RGS6: variants seen among roughly 807,000 people sequenced by gnomAD.
The protein encoded by RGS6 is regulator of G-protein signaling 6.
In RGS6, 30 loss-of-function variants were observed where a neutral mutation model predicts 78.5. That is an observed-to-expected ratio of 0.38 (90% CI 0.29 to 0.52). The LOEUF (loss-of-function observed/expected upper bound fraction) is 0.52. Ranked by LOEUF, RGS6 falls within the 20% of genes least tolerant of loss-of-function variation. The pLI is 0.85. For synonymous variants in RGS6, 206 were observed against 206.0 expected (o/e 1.00, Z 0.00); for missense variants, 495 against 609.7 (o/e 0.81, Z 1.98).
chr14:72,621,129 A>C, the RGS6 span, among the ~76,000 whole-genome samples: 5 of 142,098 alleles, frequency 3.5e-5, no homozygotes, highest in Non-Finnish European at 7.6e-5. Context: ...CAACTGAGTG[A>C]GACTCTGTCT....
chr14:72,457,579 G>A (rs1028921542), intron 4 of RGS6, among the ~76,000 whole-genome samples: 5 of 152,198 alleles, frequency 3.3e-5, no homozygotes, highest in South Asian at 2.1e-4. Flanking sequence ...CACCATGCCC[G>A]ACCTATATTC....
At chr14:71,905,643 C>T in the RGS6 span, among the ~76,000 whole-genome samples, 5 of 152,192 alleles carry the variant, frequency 3.3e-5, no homozygotes, top group East Asian at 3.9e-4. Context: ...GCACATGCCA[C>T]GCTGACCGGA....
At chr14:72,165,810 C>G (rs2096917266) in intron 2 of RGS6, among the ~76,000 whole-genome samples, 2 of 152,142 alleles carry the variant, frequency 1.3e-5, no homozygotes, top group South Asian at 4.2e-4. Flanking sequence ...CTCTGTAATC[C>G]AAAATGGTCC....
chr14:72,372,853 G>A (rs1273330565), intron 3 of RGS6, among the ~76,000 whole-genome samples: 2 of 152,338 alleles, frequency 1.3e-5, no homozygotes, highest in Admixed American at 1.3e-4. Context: ...GGAAAATATG[G>A]AAAAGTTCAT....
At chr14:71,883,557 A>G in the RGS6 span, among the ~76,000 whole-genome samples, 1 of 152,150 alleles carries the variant, frequency 6.6e-6, no homozygotes, top group Non-Finnish European at 1.5e-5. Flanking sequence ...TGTGTACTAT[A>G]AGGCTGAGAC....
chr14:72,435,300 A>C (rs2094850668), intron 3 of RGS6, among the ~76,000 whole-genome samples: 1 of 152,210 alleles, frequency 6.6e-6, no homozygotes, highest in South Asian at 2.1e-4. Flanking sequence ...CCTCTAGTTC[A>C]TGTAATAGCC....
intron 16 of RGS6, among the ~76,000 whole-genome samples, chr14:72,539,777 T>A (rs2097297055): frequency 1.3e-5 from 2 of 152,206 alleles, no homozygotes; most frequent in Non-Finnish European, 2.9e-5. Flanking sequence ...GCAAGCACCA[T>A]TCATGGCCCC....
intron 2 of RGS6, among the ~76,000 whole-genome samples, chr14:72,331,390 G>T (rs542134460): frequency 2.0e-5 from 3 of 152,208 alleles, no homozygotes; most frequent in South Asian, 2.1e-4. Flanking sequence ...TATTCTTGCA[G>T]GGTTAATGTC....
chr14:72,195,476 A>C lies in RGS6; in HGVS notation c.85-156619A>C, dbSNP rs533001289. 2.6e-5 allele frequency among the ~76,000 whole-genome samples: 4 copies of C among 152,270 alleles called. No homozygotes were observed. In the East Asian group the frequency reaches 5.8e-4, roughly 22 times the overall value. ...TCTACAAGGATGAGAGTGGAGAGAG[A>C]AAAAAGAGGGCCCAGGGCCAGGGGC... On this transcript the variant is annotated intron_variant, in intron 2 of 17. Transcript: ENST00000553525.
chr14:72,232,998 A>T (rs1373838213), intron 2 of RGS6, among the ~76,000 whole-genome samples: 1 of 152,166 alleles, frequency 6.6e-6, no homozygotes, highest in African/African-American at 2.4e-5. Context: ...AGGAATGACC[A>T]GGTGCTACCC....
intron 2 of RGS6, among the ~76,000 whole-genome samples, chr14:71,983,241 C>T (rs899241907): frequency 1.3e-5 from 2 of 152,190 alleles, no homozygotes; most frequent in African/African-American, 4.8e-5. Context: ...TTATGTAAAA[C>T]TCTGGACAGA....
At position 72,228,735 on chromosome 14, in the gene RGS6, CAAG is replaced by C. The variant is rs546100471; in HGVS notation, c.85-123357_85-123355del. 2.2e-4 allele frequency among the ~76,000 whole-genome samples: 34 copies of C among 152,216 alleles called. 1 individual carries two copies. In the East Asian group the frequency reaches 6.4e-3, roughly 29 times the overall value. On this transcript the variant is annotated intron_variant, in intron 2 of 17. Coordinates refer to ENST00000553525, the MANE Select transcript of RGS6 (RefSeq NM_001204424.2). ...AGGTAGCGTGGGGAGACTAGAAAGA[CAAG>C]AAACACTTTGAAGATTCTAGTTCGG... is the stretch of plus-strand genomic sequence containing the variant.
intron 3 of RGS6, among the ~76,000 whole-genome samples, chr14:72,358,799 G>A (rs1235148865): frequency 1.3e-5 from 2 of 152,314 alleles, no homozygotes; most frequent in Non-Finnish European, 2.9e-5. Flanking sequence ...CTGTTGGGAA[G>A]GCATCATTGT....
chr14:72,349,183 TA>T (rs2078650083), intron 2 of RGS6, among the ~76,000 whole-genome samples: 1 of 152,076 alleles, frequency 6.6e-6, no homozygotes, highest in Admixed American at 6.6e-5. Flanking sequence ...ATATATAAAA[TA>T]AAAAATAAAT....
At chr14:72,451,056 C>T (rs749434260) in intron 3 of RGS6, among the ~76,000 whole-genome samples, 3 of 152,124 alleles carry the variant, frequency 2.0e-5, no homozygotes, top group African/African-American at 7.2e-5. Context: ...AGAGTGAGCA[C>T]GTCCCCCTGT....
At chr14:72,163,404 G>A (rs1420934773) in intron 2 of RGS6, among the ~76,000 whole-genome samples, 1 of 152,202 alleles carries the variant, frequency 6.6e-6, no homozygotes, top group Non-Finnish European at 1.5e-5. Flanking sequence ...AACCAGTGAT[G>A]GAGATGGTAA....
chr14:72,503,572 A>AAGAG lies in RGS6; in HGVS notation c.966-6564_966-6561dup, dbSNP rs10602454. On this transcript the variant is annotated intron_variant, in intron 13 of 17. Coordinates refer to ENST00000553525, the MANE Select transcript of RGS6 (RefSeq NM_001204424.2). ...TATAGGATAGACATTTTCATTCAAAAAGAGAGAGAGAGAGAGAGAGAAATA... is the reference window on the plus strand; with the variant it reads ...TATAGGATAGACATTTTCATTCAAAAAGAGAGAGAGAGAGAGAGAGAGAGAAATA... Among the ~76,000 whole-genome samples the AAGAG allele has an allele frequency of 2.0e-5, 3 of 150,582 alleles. 1 individual carries two copies. Among genetic ancestry groups the AAGAG allele is most frequent in the Admixed American group, 1.3e-4 (2 of 15,120 alleles).
intron 17 of RGS6, among the ~76,000 whole-genome samples, chr14:72,558,370 CA>C (rs2097615842): frequency 6.6e-6 from 1 of 152,166 alleles, no homozygotes; most frequent in Non-Finnish European, 1.5e-5. Context: ...ATCTGACCCC[CA>C]GGGCTACTCT....
intron 2 of RGS6, among the ~76,000 whole-genome samples, chr14:72,047,501 C>G (rs368366940): frequency 2.6e-5 from 4 of 152,162 alleles, no homozygotes; most frequent in Non-Finnish European, 4.4e-5. Flanking sequence ...TACAGACATA[C>G]TTTGTCAGAT....
Sources: gnomAD v4.1 joint callset for allele counts (sites outside exome capture counted in the v4.1 genomes callset) on GRCh38, gnomAD v4.1.1 for gene constraint, MANE v1.5 for transcripts, NCBI Gene and HGNC (gene_info 2026-07-23, HGNC 2026-07-21) for gene names.